The following ZNF705A variants were observed in gnomAD, a reference collection of about 807,000 sequenced individuals.
The protein encoded by ZNF705A is zinc finger protein 705A.
Under a neutral mutation model 16.6 loss-of-function variants are expected in ZNF705A, and 8 were observed. That is an observed-to-expected ratio of 0.48 (90% CI 0.28 to 0.87). The LOEUF is 0.87. Among genes scored for constraint, ZNF705A ranks in the 40% least tolerant of loss-of-function variants. The pLI is 0.10. For missense variants in ZNF705A, 233 were observed against 359.9 expected (o/e 0.65, Z 2.85); for synonymous variants, 73 against 117.3 (o/e 0.62, Z 2.44).
chr12:8,175,899 T>C lies in ZNF705A; in HGVS notation c.275T>C (p.Met92Thr), dbSNP rs760716479. The C allele has an allele frequency of 5.6e-6, 9 of 1,611,454 alleles. No homozygotes were observed. In the Admixed American group the frequency reaches 1.0e-4, roughly 18 times the overall value. Reference sequence around the variant, plus strand: ...CTTAAGAAAAAACACATGATATCCATGCATCCTATCACCAGAAAAGACGCA... The same window carrying C: ...CTTAAGAAAAAACACATGATATCCACGCATCCTATCACCAGAAAAGACGCA... The change falls in exon 4 of 5, where the codon ATG (methionine) becomes ACG (threonine). Residue 92 changes from methionine to threonine, a missense_variant. By Grantham distance (81) the Met-to-Thr change is moderately conservative. Around this residue, in one of 3 missense-constraint regions of ZNF705A, gnomAD observed 220 missense variants for 271.4 expected, o/e 0.81. Transcript: ENST00000359286.
At position 8,164,981 on chromosome 12, in the gene ZNF705A, G is replaced by A. The variant is rs11836670; in HGVS notation, c.-71-7574G>A. On this transcript the variant is annotated intron_variant, in intron 1 of 5. Transcript: ENST00000396570. ...TGTAAAAGTGTTCTTATATCTCAAC[G>A]GCCTCATCAGCAGGTAGTTTTATTT... 1.9e-3 allele frequency among the ~76,000 whole-genome samples: 282 copies of A among 152,086 alleles called. 3 individuals are homozygous for A. The highest frequency in any genetic ancestry group is 6.1e-3 in the African/African-American group (252 of 41,478).
At chr12:8,158,822 T>A (rs993302555) in intron 1 of ZNF705A, among the ~76,000 whole-genome samples, 4 of 152,144 alleles carry the variant, frequency 2.6e-5, no homozygotes, top group Admixed American at 6.6e-5. Context: ...TTTTATTTTT[T>A]AAAATTTTCC....
chr12:8,160,033 C>G (rs1339464642), intron 1 of ZNF705A, among the ~76,000 whole-genome samples: 6 of 152,028 alleles, frequency 3.9e-5, no homozygotes, highest in African/African-American at 1.2e-4. Flanking sequence ...GTTTCATTCT[C>G]CTACATGTGG....
rs143036710 is a variant in ZNF705A at position 8,176,568 on chromosome 12, A to G, written c.319-431A>G. Among the ~76,000 whole-genome samples, 5 of 152,362 alleles carry G rather than the reference A, an allele frequency of 3.3e-5. No homozygotes were observed. The East Asian group carries it at 5.8e-4, about 18-fold the overall frequency. On this transcript the variant is annotated intron_variant, in intron 4 of 4. Transcript: ENST00000359286. The stretch of plus-strand genomic sequence containing the variant: ...ATAATGCAGGAAAGCTGCATTTTAC[A>G]TAAGACAACATAGGCAAAATTGGGC...
At chr12:8,158,124 T>C (rs1948324921) in intron 1 of ZNF705A, among the ~76,000 whole-genome samples, 1 of 152,114 alleles carries the variant, frequency 6.6e-6, no homozygotes, top group Admixed American at 6.5e-5. Flanking sequence ...CATGAATACA[T>C]AGCTCAAAGA....
intron 1 of ZNF705A, among the ~76,000 whole-genome samples, chr12:8,157,956 A>G (rs58877610): frequency 1.7e-3 from 266 of 152,250 alleles, no homozygotes; most frequent in African/African-American, 6.1e-3. Flanking sequence ...GTGGGTTGGT[A>G]CACAATTGTT....
At chr12:8,158,317 C>T (rs1446352319) in intron 1 of ZNF705A, among the ~76,000 whole-genome samples, 3 of 152,152 alleles carry the variant, frequency 2.0e-5, no homozygotes, top group Non-Finnish European at 2.9e-5. Context: ...CAACCCCAAA[C>T]AACCATTGAG....
intron 2 of ZNF705A, among the ~76,000 whole-genome samples, chr12:8,174,785 C>T (rs748627758): frequency 6.6e-6 from 1 of 152,242 alleles, no homozygotes; most frequent in South Asian, 2.1e-4. Context: ...AACTCTTCTG[C>T]TTTAGTCTAT....
chr12:8,179,365 G>A lies in ZNF705A; in HGVS notation c.*1782G>A, dbSNP rs149080007. 14 of 152,244 alleles carry A rather than the reference G, an allele frequency of 9.2e-5. No individual in the cohort carries two copies. In the East Asian group the frequency reaches 1.7e-3, roughly 19 times the overall value. 9.4% of individuals were successfully genotyped at this position (152,244 alleles called of 1,614,324 possible). A position where few individuals can be genotyped will look rare whatever the true frequency, so the allele number is the denominator to read the frequency against. ...CACCTTGCAAGCCTTTCCTATATTC[G>A]ATTCAATGTACTTTTCCCGAAGCAA... On this transcript the variant is annotated 3_prime_UTR_variant, in exon 5 of 5. Transcript: ENST00000359286.
intron 2 of ZNF705A, 38 bp downstream of exon 3, chr12:8,174,490 C>T (rs1390436998): frequency 1.9e-6 from 3 of 1,591,654 alleles, no homozygotes; most frequent in Non-Finnish European, 1.7e-6. Context: ...TGTAGACACA[C>T]ATTCGCTCAT....
At chr12:8,175,197 C>T in intron 2 of ZNF705A, 31 bp from the exon 4 acceptor site, 1 of 1,583,516 alleles carries the variant, frequency 6.3e-7, no homozygotes, top group Non-Finnish European at 8.6e-7. Context: ...TGACAGTGAA[C>T]TCAAAACACA....
At position 8,172,759 on chromosome 12, in the gene ZNF705A, T is replaced by C. The variant is rs1948455182; in HGVS notation, c.12+122T>C. The C allele has an allele frequency of 2.0e-6, 3 of 1,486,984 alleles. No homozygotes were observed. The East Asian group carries it at 6.8e-5, about 34-fold the overall frequency. The allele number at this position is 1,486,984 out of a possible 1,614,324, so 92.1% of individuals were successfully genotyped here. On this transcript the variant is annotated intron_variant, in intron 1 of 4. Coordinates refer to ENST00000359286, the Ensembl canonical transcript of ZNF705A. ...TTTCTGTTTGTTTGTTTTTATGATG[T>C]AAAATCCACCTAGCCTGGGTATTCC...
upstream of ZNF705A, among the ~76,000 whole-genome samples, chr12:8,170,798 T>C (rs1465495069): frequency 6.6e-6 from 1 of 152,054 alleles, no homozygotes; most frequent in Non-Finnish European, 1.5e-5. Flanking sequence ...GTTACTGGAG[T>C]CCTGATGAAC....
At chr12:8,158,946 A>G (rs753870125) in intron 1 of ZNF705A, among the ~76,000 whole-genome samples, 1 of 152,152 alleles carries the variant, frequency 6.6e-6, no homozygotes, top group Admixed American at 6.5e-5. Context: ...ACCTATTTGT[A>G]GCCTTTTATC....
intron 3 of ZNF705A, among the ~76,000 whole-genome samples, chr12:8,175,609 A>G (rs1948478919): frequency 6.6e-6 from 1 of 152,130 alleles, no homozygotes. Context: ...TACCCCTGTG[A>G]AGACTATCCC....
exon 5 of ZNF705A, chr12:8,179,843 G>A (rs1229703443): frequency 6.6e-6 from 1 of 152,154 alleles, no homozygotes; most frequent in Non-Finnish European, 1.5e-5. Flanking sequence ...ACATTGAGAT[G>A]TACTATTTGT....
chr12:8,164,187 AACTT>A (rs1424050725), intron 1 of ZNF705A, among the ~76,000 whole-genome samples: 3 of 152,178 alleles, frequency 2.0e-5, no homozygotes, highest in Non-Finnish European at 4.4e-5. Context: ...AGACCTCCAG[AACTT>A]ACTTACGTGG....
intron 1 of ZNF705A, among the ~76,000 whole-genome samples, chr12:8,159,529 T>C (rs1008128965): frequency 6.6e-6 from 1 of 152,168 alleles, no homozygotes; most frequent in Non-Finnish European, 1.5e-5. Flanking sequence ...TATCACACTG[T>C]GGTTTTGATT....
chr12:8,175,137 T>G, intron 2 of ZNF705A, 91 bp from the exon 4 acceptor site: 2 of 746,550 alleles, frequency 2.7e-6, no homozygotes, highest in Admixed American at 2.8e-5. Context: ...TTCACTGTTT[T>G]TATTCTTCCT....
Sources: gnomAD v4.1 joint callset for allele counts (sites outside exome capture counted in the v4.1 genomes callset) on GRCh38, gnomAD v4.1.1 for gene constraint, gnomAD v4.1.1 regional missense constraint, MANE v1.5 for transcripts, NCBI Gene and HGNC (gene_info 2026-07-23, HGNC 2026-07-21) for gene names.